TBCEL: variants seen among roughly 807,000 people sequenced by gnomAD.
TBCEL encodes tubulin folding cofactor E like.
In TBCEL, 15 loss-of-function variants were observed where a neutral mutation model predicts 44.2. The ratio of observed to expected loss-of-function variants is 0.34; its 90% CI spans 0.23 to 0.52. The LOEUF (loss-of-function observed/expected upper bound fraction) is 0.52, where lower values mean the gene tolerates loss of function less well. Among genes scored for constraint, TBCEL ranks in the 20% least tolerant of loss-of-function variants. The probability of loss-of-function intolerance (pLI) is 0.95; values close to 1 mark genes in which losing one functional copy is unlikely to be tolerated. For synonymous variants in TBCEL, 171 were observed against 185.4 expected (o/e 0.92, Z 0.63); for missense variants, 319 against 506.3 (o/e 0.63, Z 3.55).
chr11:121,086,714 G>T, intron 8 of TBCEL, 64 bp from the exon 9 acceptor site: 1 of 1,223,438 alleles, frequency 8.2e-7, no homozygotes, highest in Non-Finnish European at 1.2e-6. Flanking sequence ...TCTGTAGTTG[G>T]GAAGAAGTCC....
chr11:121,060,780 T>G (rs1211482317), intron 8 of TBCEL, among the ~76,000 whole-genome samples: 1 of 151,958 alleles, frequency 6.6e-6, no homozygotes, highest in Non-Finnish European at 1.5e-5. Flanking sequence ...ATTGGAAAAG[T>G]TATGTGCTTT....
intron 1 of TBCEL, among the ~76,000 whole-genome samples, chr11:121,026,517 T>C (rs1347868288): frequency 6.6e-6 from 1 of 152,154 alleles, no homozygotes; most frequent in Non-Finnish European, 1.5e-5. Context: ...TTCGTATTAT[T>C]TGTAACATAG....
intron 1 of TBCEL, among the ~76,000 whole-genome samples, chr11:121,028,258 G>C (rs1418883869): frequency 6.6e-6 from 1 of 152,080 alleles, no homozygotes; most frequent in African/African-American, 2.4e-5. Context: ...CCTGAATTCT[G>C]ACCTAGACTT....
In TBCEL at chr11:121,086,822, C is replaced by T; in HGVS notation, c.1001C>T (p.Ala334Val). The T allele has an allele frequency of 6.2e-7, 1 of 1,613,896 alleles. No individual in the cohort carries two copies. The highest frequency in any genetic ancestry group is 8.5e-7 in the Non-Finnish European group (1 of 1,179,928). ...AAATATGGGAAGTTGGAGCCTTTGG[C>T]AGAAGTGGACCTAAGACCCCAGAGC... ...ITKYGKLEPL[A>V]EVDLRPQSSA... The change falls in exon 9 of 9, where the codon GCA (alanine) becomes GTA (valine). Residue 334 changes from alanine (A) to valine (V), a missense_variant. Transcript: ENST00000683345.
In TBCEL at chr11:121,027,253, C is replaced by G. The variant is rs563509190; in HGVS notation, c.-126+2962C>G. On this transcript the variant is annotated intron_variant, in intron 1 of 8. Transcript: ENST00000683345. The stretch of plus-strand genomic sequence containing the variant: ...AAGGAATCCTTATTTGCGATTGTTG[C>G]CTTTCTCCTACACGTGATTAGTTAT... Among the ~76,000 whole-genome samples the G allele has an allele frequency of 7.2e-5, 11 of 152,242 alleles. No individual in the cohort carries two copies. The South Asian group carries it at 2.3e-3, about 32-fold the overall frequency.
At chr11:121,035,024 A>T (rs1454116577) in intron 1 of TBCEL, among the ~76,000 whole-genome samples, 1 of 152,216 alleles carries the variant, frequency 6.6e-6, no homozygotes. Context: ...AATTTAGCAT[A>T]GTCCTTGGAC....
At chr11:121,046,270 CA>C (rs1170925535) in intron 3 of TBCEL, among the ~76,000 whole-genome samples, 1 of 151,984 alleles carries the variant, frequency 6.6e-6, no homozygotes, top group Admixed American at 6.6e-5. Flanking sequence ...AGAAATGATT[CA>C]AAGCTGTGAG....
Position 121,055,327 on chromosome 11 carries a change from C to T in TBCEL, c.712+19C>T. The T allele has an allele frequency of 3.8e-6, 6 of 1,563,912 alleles. No homozygotes were observed. Among genetic ancestry groups the T allele is most frequent in the Non-Finnish European group, 4.3e-6 (5 of 1,151,112 alleles). On this transcript the variant is annotated intron_variant, in intron 6 of 8. Coordinates refer to ENST00000683345, the MANE Select transcript of TBCEL (RefSeq NM_001363644.2). ...AAGTCAGGTGAGGTTCAGGCTTGTT[C>T]TTATTCTACATGCAAATTAACCTGA...
chr11:121,080,216 G>T (rs765464271), intron 8 of TBCEL, among the ~76,000 whole-genome samples: 1 of 152,182 alleles, frequency 6.6e-6, no homozygotes, highest in Admixed American at 6.6e-5. Flanking sequence ...TAAAGAGAGA[G>T]ATGTATGTAT....
intron 8 of TBCEL, 45 bp from the exon 9 acceptor site, chr11:121,086,733 T>G (rs753487248): frequency 5.8e-5 from 84 of 1,436,626 alleles, no homozygotes; most frequent in Non-Finnish European, 8.7e-6. Flanking sequence ...CCACAGTACA[T>G]GTGCTAGTAG....
chr11:121,052,380 C>T (rs973112148), intron 4 of TBCEL, among the ~76,000 whole-genome samples: 1 of 151,718 alleles, frequency 6.6e-6, no homozygotes, highest in African/African-American at 2.4e-5. Context: ...CAGATGGGAA[C>T]TATTTTCCCT....
chr11:121,075,883 A>G (rs1000025049), intron 8 of TBCEL, among the ~76,000 whole-genome samples: 2 of 151,968 alleles, frequency 1.3e-5, no homozygotes, highest in African/African-American at 4.8e-5. Flanking sequence ...GGGGTAGGAT[A>G]CGGATTAAGT....
chr11:121,061,029 A>G (rs1456111135), intron 8 of TBCEL, among the ~76,000 whole-genome samples: 1 of 152,070 alleles, frequency 6.6e-6, no homozygotes, highest in Non-Finnish European at 1.5e-5. Flanking sequence ...AGTGTCATAT[A>G]ACAAGACTTT....
chr11:121,086,246 G>C (rs1179040738), intron 8 of TBCEL, among the ~76,000 whole-genome samples: 1 of 152,086 alleles, frequency 6.6e-6, no homozygotes, highest in African/African-American at 2.4e-5. Flanking sequence ...CATAAATTCT[G>C]TGTATTACAC....
intron 8 of TBCEL, among the ~76,000 whole-genome samples, chr11:121,062,565 A>T (rs527414567): frequency 1.3e-4 from 20 of 152,204 alleles, no homozygotes; most frequent in Non-Finnish European, 2.8e-4. Flanking sequence ...GTTGACCAAA[A>T]TGTCTTCATG....
chr11:121,025,515 A>G (rs529245170), intron 1 of TBCEL, among the ~76,000 whole-genome samples: 2 of 152,264 alleles, frequency 1.3e-5, no homozygotes, highest in African/African-American at 2.4e-5. Flanking sequence ...CCCTTATTAT[A>G]TGTGATATGT....
At chr11:121,041,657 A>G (rs1163316562) in intron 2 of TBCEL, among the ~76,000 whole-genome samples, 1 of 151,954 alleles carries the variant, frequency 6.6e-6, no homozygotes, top group Non-Finnish European at 1.5e-5. Flanking sequence ...GGCCCTAGTG[A>G]AAGATCTTTT....
At chr11:121,074,984 GT>G in intron 8 of TBCEL, among the ~76,000 whole-genome samples, 1 of 152,020 alleles carries the variant, frequency 6.6e-6, no homozygotes, top group East Asian at 1.9e-4. Flanking sequence ...GAATCTTAAT[GT>G]GGATATTGTC....
intron 8 of TBCEL, among the ~76,000 whole-genome samples, chr11:121,080,362 C>T (rs1007249270): frequency 6.6e-6 from 1 of 152,184 alleles, no homozygotes; most frequent in East Asian, 1.9e-4. Context: ...CCCATGAATA[C>T]ACCTCTAGAC....
Sources: allele counts gnomAD v4.1 joint callset (sites outside exome capture counted in the v4.1 genomes callset), GRCh38; gene constraint gnomAD v4.1.1; transcripts MANE v1.5; gene names NCBI Gene and HGNC (gene_info 2026-07-23, HGNC 2026-07-21).